CFAP43: variants seen among roughly 807,000 people sequenced by gnomAD.
CFAP43 encodes cilia and flagella associated protein 43.
A neutral mutation model predicts 218.9 loss-of-function variants in CFAP43; 155 were observed. The observed-to-expected ratio is 0.71, with a 90% CI of 0.62 to 0.81. The LOEUF (loss-of-function observed/expected upper bound fraction) is 0.81. CFAP43 is among the 30% of genes least tolerant of loss of function. The pLI is 0.00. For missense variants in CFAP43, 1,778 were observed against 1,954.3 expected (o/e 0.91, Z 1.70); for synonymous variants, 645 against 681.3 (o/e 0.95, Z 0.83).
At chr10:104,184,751 G>C (rs1401098178) in intron 16 of CFAP43, among the ~76,000 whole-genome samples, 2 of 151,928 alleles carry the variant, frequency 1.3e-5, no homozygotes, top group African/African-American at 2.4e-5. Flanking sequence ...TCCTAAACCT[G>C]CCCAATCCTC....
chr10:104,191,793 G>T (rs759085329), intron 12 of CFAP43, among the ~76,000 whole-genome samples: 4 of 43,134 alleles, frequency 9.3e-5, no homozygotes, highest in South Asian at 9.2e-4. Context: ...TGTGTGTGGG[G>T]GGGGGGAAAC....
At chr10:104,224,672 T>C (rs1268141340) in intron 3 of CFAP43, among the ~76,000 whole-genome samples, 16 of 149,396 alleles carry the variant, frequency 1.1e-4, no homozygotes, top group African/African-American at 3.2e-4. Context: ...GGAGAATTGC[T>C]TGAACCTGGG....
At chr10:104,184,751 G>T (rs1401098178) in intron 16 of CFAP43, among the ~76,000 whole-genome samples, 1 of 151,928 alleles carries the variant, frequency 6.6e-6, no homozygotes, top group Non-Finnish European at 1.5e-5. Flanking sequence ...TCCTAAACCT[G>T]CCCAATCCTC....
chr10:104,208,951 G>C (rs998049293), intron 5 of CFAP43, among the ~76,000 whole-genome samples: 1 of 152,144 alleles, frequency 6.6e-6, no homozygotes, highest in African/African-American at 2.4e-5. Flanking sequence ...GTTGTGTAAT[G>C]TGACTCAGGG....
At chr10:104,139,154 T>C (rs1023467197) in intron 34 of CFAP43, among the ~76,000 whole-genome samples, 1 of 152,110 alleles carries the variant, frequency 6.6e-6, no homozygotes, top group African/African-American at 2.4e-5. Flanking sequence ...TATAGGGCAA[T>C]AGTAATTACC....
intron 19 of CFAP43, among the ~76,000 whole-genome samples, chr10:104,178,303 T>C (rs1195831878): frequency 2.0e-5 from 3 of 152,168 alleles, no homozygotes; most frequent in Non-Finnish European, 2.9e-5. Context: ...AGGTATTTGA[T>C]TGTATTGAGA....
At chr10:104,180,582 A>G (rs1353762176) in intron 17 of CFAP43, among the ~76,000 whole-genome samples, 6 of 151,146 alleles carry the variant, frequency 4.0e-5, no homozygotes, top group Non-Finnish European at 5.9e-5. Context: ...AGTAGCTGGG[A>G]CTACAGGTGC....
chr10:104,208,673 G>A (rs2090767437), intron 5 of CFAP43, among the ~76,000 whole-genome samples: 1 of 152,216 alleles, frequency 6.6e-6, no homozygotes, highest in South Asian at 2.1e-4. Flanking sequence ...ATCACATGAT[G>A]ACAAAACATG....
chr10:104,197,841 A>G (rs1041745282), intron 9 of CFAP43, 81 bp downstream of exon 9: 2 of 995,256 alleles, frequency 2.0e-6, no homozygotes, highest in Non-Finnish European at 1.5e-6. Context: ...AAAGTTACCC[A>G]ATAACATATA....
Position 104,132,840 on chromosome 10 carries a change from G to A in CFAP43, c.4597-644C>T, listed in dbSNP as rs1037401255. The A allele has an allele frequency of 1.6e-5, 15 of 956,108 alleles. 1 individual carries two copies. Among genetic ancestry groups the A allele is most frequent in the Non-Finnish European group, 1.7e-5 (14 of 803,728 alleles). 59.2% of individuals were successfully genotyped at this position (956,108 alleles called of 1,614,324 possible). On this transcript the variant is annotated intron_variant, in intron 35 of 37. Transcript: ENST00000357060. ...AGTCCTAGTTAAAGACACTGAGGGA[G>A]ATACAAAGATAGATAACATGTCCTA...
intron 19 of CFAP43, among the ~76,000 whole-genome samples, chr10:104,177,857 A>G (rs2089686034): frequency 6.6e-6 from 1 of 152,234 alleles, no homozygotes; most frequent in African/African-American, 2.4e-5. Context: ...AACATTCTGA[A>G]GGCAAACCAT....
chr10:104,195,493 A>T (rs1398001904), intron 10 of CFAP43, among the ~76,000 whole-genome samples: 6 of 152,168 alleles, frequency 3.9e-5, no homozygotes, highest in African/African-American at 1.2e-4. Flanking sequence ...CTCAGTAAGA[A>T]TTTTTATCTT....
At chr10:104,219,912 G>A (rs1266874914) in intron 3 of CFAP43, among the ~76,000 whole-genome samples, 2 of 152,098 alleles carry the variant, frequency 1.3e-5, no homozygotes, top group Non-Finnish European at 1.5e-5. Flanking sequence ...TCATCCTTTA[G>A]GTATTGCTAT....
chr10:104,155,544 G>A (rs2088497846), intron 27 of CFAP43, among the ~76,000 whole-genome samples: 2 of 152,156 alleles, frequency 1.3e-5, no homozygotes, highest in Admixed American at 1.3e-4. Context: ...GAAGGGGGTA[G>A]GGGAGGAGAG....
rs148769641 is a variant in CFAP43, at chr10:104,177,841, G to T, written c.2460+1188C>A. 3.0e-3 allele frequency among the ~76,000 whole-genome samples: 464 copies of T among 152,306 alleles called. 2 individuals are homozygous for T. The highest frequency in any genetic ancestry group is 0.01 in the African/African-American group (433 of 41,576). ...TGGAAGCCAGGAGACAATGGAGAAA[G>T]CCTTCAACATTCTGAAGGCAAACCA... On this transcript the variant is annotated intron_variant, in intron 19 of 37. Coordinates refer to ENST00000357060, the MANE Select transcript of CFAP43 (RefSeq NM_025145.7).
chr10:104,149,027 C>T (rs776741083), intron 28 of CFAP43, among the ~76,000 whole-genome samples: 2 of 152,088 alleles, frequency 1.3e-5, no homozygotes, highest in Non-Finnish European at 2.9e-5. Context: ...TTATACTCTT[C>T]ACGTTCCCTT....
chr10:104,150,944 C>T (rs1203474606), intron 28 of CFAP43, among the ~76,000 whole-genome samples: 1 of 151,976 alleles, frequency 6.6e-6, no homozygotes, highest in Non-Finnish European at 1.5e-5. Context: ...CCTCTATGTG[C>T]CCATGTGTTC....
At position 104,207,730 on chromosome 10, in the gene CFAP43, A is replaced by C; in HGVS notation, c.830T>G (p.Leu277Ter). 1.2e-6 allele frequency: 2 copies of C among 1,614,200 alleles called. No individual in the cohort carries two copies. The highest frequency in any genetic ancestry group is 1.7e-6 in the Non-Finnish European group (2 of 1,180,020). Residue 277 changes from leucine (L) to a stop codon, truncating the protein, a stop_gained, in exon 6 of 38, where the codon TTA becomes TGA. Coordinates refer to ENST00000357060, the MANE Select transcript of CFAP43 (RefSeq NM_025145.7). LOFTEE classifies it high-confidence loss of function. ...LYIGCEEGHL[L>*]MINGDTLQVT... The stretch of plus-strand genomic sequence containing the variant: ...TTGCAAGGTGTCTCCATTAATCATT[A>C]AAAGATGACCCTCTTCACAGCCAAT...
At chr10:104,140,694 TC>T in intron 34 of CFAP43, 147 bp downstream of exon 34, 1 of 597,168 alleles carries the variant, frequency 1.7e-6, no homozygotes, top group Non-Finnish European at 2.8e-6. Context: ...GAACCTGTAC[TC>T]CCAGCTACTT....
Sources: allele counts gnomAD v4.1 joint callset (sites outside exome capture counted in the v4.1 genomes callset), GRCh38; gene constraint gnomAD v4.1.1; transcripts MANE v1.5; gene names NCBI Gene and HGNC (gene_info 2026-07-23, HGNC 2026-07-21).